The following DGKI variants were observed in gnomAD, a reference collection of about 807,000 sequenced individuals.
The protein encoded by DGKI is DAG kinase iota.
A neutral mutation model predicts 147.5 loss-of-function variants in DGKI; 55 were observed. The observed-to-expected ratio is 0.37, with a 90% confidence interval of 0.30 to 0.47. The LOEUF is 0.47. DGKI is among the 20% of genes least tolerant of loss of function. DGKI has a pLI of 1.00. For synonymous variants in DGKI, 469 were observed against 477.1 expected, an observed-to-expected ratio of 0.98 and a Z score of 0.22; for missense variants, 1,007 against 1,323.8, an observed-to-expected ratio of 0.76 and a Z score of 3.71.
At chr7:137,405,688 C>T (rs964124362) in intron 30 of DGKI, among the ~76,000 whole-genome samples, 13 of 152,192 alleles carry the variant, frequency 8.5e-5, no homozygotes, top group African/African-American at 3.1e-4. Flanking sequence ...TCCAGAACTT[C>T]CCAGCTTAGC....
At chr7:137,468,273 C>T (rs1814739942) in intron 24 of DGKI, among the ~76,000 whole-genome samples, 1 of 152,044 alleles carries the variant, frequency 6.6e-6, no homozygotes, top group Non-Finnish European at 1.5e-5. Flanking sequence ...TTCTTTTAAA[C>T]CATGACTGCA....
intron 8 of DGKI, among the ~76,000 whole-genome samples, chr7:137,610,722 G>A (rs1244019552): frequency 1.3e-5 from 2 of 152,238 alleles, no homozygotes; most frequent in East Asian, 3.9e-4. Context: ...ACTTTTTAAT[G>A]TATTCTTTTT....
chr7:137,764,651 T>C (rs758823083), intron 1 of DGKI, among the ~76,000 whole-genome samples: 2 of 152,222 alleles, frequency 1.3e-5, no homozygotes, highest in Non-Finnish European at 2.9e-5. Flanking sequence ...TCCTGGTTTG[T>C]CTAGGGTACC....
intron 20 of DGKI, among the ~76,000 whole-genome samples, chr7:137,539,523 T>C (rs1157321754): frequency 6.6e-6 from 1 of 152,124 alleles, no homozygotes; most frequent in African/African-American, 2.4e-5. Flanking sequence ...GATCCCATAC[T>C]GGCAACTTAG....
At chr7:137,424,778 G>A (rs984811738) in intron 28 of DGKI, among the ~76,000 whole-genome samples, 25 of 152,178 alleles carry the variant, frequency 1.6e-4, no homozygotes, top group African/African-American at 4.6e-4. Flanking sequence ...ACGGAATCTC[G>A]CTGATTGCTA....
intron 1 of DGKI, among the ~76,000 whole-genome samples, chr7:137,830,853 C>CT: frequency 6.6e-6 from 1 of 152,254 alleles, no homozygotes; most frequent in East Asian, 1.9e-4. Flanking sequence ...AAGATAGGGG[C>CT]TTTGGGTGAC....
chr7:137,784,979 G>C (rs1176909604), intron 1 of DGKI, among the ~76,000 whole-genome samples: 3 of 151,976 alleles, frequency 2.0e-5, no homozygotes, highest in African/African-American at 7.2e-5. Flanking sequence ...GCAGTGCTAA[G>C]AGGAAAGTTC....
intron 6 of DGKI, among the ~76,000 whole-genome samples, chr7:137,633,949 G>A (rs1200554692): frequency 6.6e-6 from 1 of 152,186 alleles, no homozygotes; most frequent in Non-Finnish European, 1.5e-5. Flanking sequence ...CATTAAAGCA[G>A]ATGAGCAAGA....
intron 19 of DGKI, among the ~76,000 whole-genome samples, chr7:137,566,123 A>T (rs1255402954): frequency 6.6e-6 from 1 of 152,168 alleles, no homozygotes; most frequent in African/African-American, 2.4e-5. Context: ...TAAATTTCTA[A>T]GAAAAATAGT....
At chr7:137,527,273 G>A (rs983976822) in intron 20 of DGKI, among the ~76,000 whole-genome samples, 4 of 152,098 alleles carry the variant, frequency 2.6e-5, no homozygotes, top group Admixed American at 6.6e-5. Context: ...TCGCCCTAGC[G>A]CTTCTGCAAT....
chr7:137,762,985 T>G (rs543944630), intron 1 of DGKI, among the ~76,000 whole-genome samples: 1 of 152,338 alleles, frequency 6.6e-6, no homozygotes, highest in South Asian at 2.1e-4. Context: ...AAGTATTCAT[T>G]TTCCCTCCCA....
intron 18 of DGKI, among the ~76,000 whole-genome samples, 161 bp from the exon 19 acceptor site, chr7:137,571,447 A>G (rs926511752): frequency 1.3e-5 from 2 of 152,244 alleles, no homozygotes; most frequent in African/African-American, 4.8e-5. Flanking sequence ...ACTTCTTATC[A>G]TCTACAAAAT....
chr7:137,749,683 A>C (rs1049844156), intron 1 of DGKI, among the ~76,000 whole-genome samples: 15 of 152,120 alleles, frequency 9.9e-5, no homozygotes, highest in African/African-American at 3.4e-4. Flanking sequence ...GTTTACTCCA[A>C]ATTTATCATT....
intron 1 of DGKI, chr7:137,774,607 CA>C (rs1353718212): frequency 6.6e-6 from 1 of 152,150 alleles, no homozygotes; most frequent in African/African-American, 2.4e-5. Context: ...TCGCCCCATC[CA>C]GGGGTGTTTT....
rs1455919981 is a variant in DGKI, at chr7:137,479,373, T to C, written c.2373+6001A>G. ...ATATATTAATGGAAAATACGTTTCT[T>C]GTGCTAAAAATATAGGCACATGCAC... On this transcript the variant is annotated intron_variant, in intron 23 of 32. Coordinates refer to ENST00000614521, the MANE Select transcript of DGKI (RefSeq NM_001321708.2). Among the ~76,000 whole-genome samples, 7 of 152,208 alleles carry C rather than the reference T, an allele frequency of 4.6e-5. No individual in the cohort carries two copies. In the East Asian group the frequency reaches 1.3e-3, roughly 29 times the overall value.
At chr7:137,470,263 G>A (rs1814828453) in intron 23 of DGKI, among the ~76,000 whole-genome samples, 1 of 152,172 alleles carries the variant, frequency 6.6e-6, no homozygotes, top group East Asian at 1.9e-4. Context: ...ATTCACCTGA[G>A]CATTTTCTAG....
At chr7:137,672,602 G>A (rs1822881132) in intron 3 of DGKI, among the ~76,000 whole-genome samples, 1 of 152,024 alleles carries the variant, frequency 6.6e-6, no homozygotes, top group Non-Finnish European at 1.5e-5. Flanking sequence ...CAACAAGGTT[G>A]AACACCCTTT....
chr7:137,518,774 CAT>C (rs1052724871), intron 21 of DGKI, among the ~76,000 whole-genome samples: 8 of 151,978 alleles, frequency 5.3e-5, no homozygotes, highest in African/African-American at 1.7e-4. Context: ...AAAAATATAT[CAT>C]GTGTCAGTGA....
At chr7:137,506,374 C>T (rs1384210088) in intron 21 of DGKI, among the ~76,000 whole-genome samples, 1 of 151,980 alleles carries the variant, frequency 6.6e-6, no homozygotes, top group African/African-American at 2.4e-5. Context: ...ATGTATAATT[C>T]CAATTATGTG....
Sources: gnomAD v4.1 joint callset for allele counts (sites outside exome capture counted in the v4.1 genomes callset) on GRCh38, gnomAD v4.1.1 for gene constraint, MANE v1.5 for transcripts, NCBI Gene and HGNC (gene_info 2026-07-23, HGNC 2026-07-21) for gene names.